FRMD4A: variants seen among roughly 807,000 people sequenced by gnomAD.
FRMD4A encodes the protein FERM domain containing 4A.
FRMD4A carries 29 observed loss-of-function variants against 129.1 expected under a neutral mutation model. The ratio of observed to expected loss-of-function variants is 0.22; its 90% CI spans 0.17 to 0.31. The LOEUF (loss-of-function observed/expected upper bound fraction) is 0.31, where lower values mean the gene tolerates loss of function less well. FRMD4A is among the 10% of genes least tolerant of loss of function. The pLI is 1.00. For missense variants in FRMD4A, 1,272 were observed against 1,375.8 expected, an observed-to-expected ratio of 0.92 and a Z score of 1.19; for synonymous variants, 634 against 571.6, an observed-to-expected ratio of 1.11 and a Z score of -1.56.
intron 2 of FRMD4A, among the ~76,000 whole-genome samples, chr10:14,256,132 T>C (rs868548312): frequency 2.6e-5 from 4 of 152,222 alleles, no homozygotes; most frequent in South Asian, 2.1e-4. Context: ...TATGTTCCTA[T>C]CTACCAGCAA....
Position 13,979,198 on chromosome 10 carries a change from G to GA in FRMD4A, c.46-120287dup, listed in dbSNP as rs199786949. 5.8e-3 allele frequency among the ~76,000 whole-genome samples: 877 copies of GA among 151,984 alleles called. 13 individuals carry two copies. The highest frequency in any genetic ancestry group is 0.019 in the African/African-American group (807 of 41,472). ...CATATGTGTAATCAAAGCCTTATGTGAAAAAAAATACATATTTGTTTTGTT... is the reference window on the plus strand; with the variant it reads ...CATATGTGTAATCAAAGCCTTATGTGAAAAAAAAATACATATTTGTTTTGTT... On this transcript the variant is annotated intron_variant, in intron 2 of 24. Coordinates refer to ENST00000357447, the MANE Select transcript of FRMD4A (RefSeq NM_018027.5).
chr10:14,273,267 T>C (rs898422428), intron 2 of FRMD4A, among the ~76,000 whole-genome samples: 7 of 151,730 alleles, frequency 4.6e-5, no homozygotes, highest in Non-Finnish European at 8.8e-5. Flanking sequence ...AGAAAAAAAA[T>C]ATATATATCT....
At chr10:13,880,897 AT>A (rs904278681) in intron 2 of FRMD4A, among the ~76,000 whole-genome samples, 21 of 151,828 alleles carry the variant, frequency 1.4e-4, no homozygotes, top group Admixed American at 2.0e-4. Flanking sequence ...TTACTTATGG[AT>A]CATGTGGATT....
At chr10:14,263,639 G>A (rs928427907) in intron 2 of FRMD4A, among the ~76,000 whole-genome samples, 1 of 152,168 alleles carries the variant, frequency 6.6e-6, no homozygotes, top group Non-Finnish European at 1.5e-5. Context: ...TAGAGGTGAA[G>A]CCATCAAGGA....
In FRMD4A at chr10:14,127,958, C is replaced by CTTTCTTTT. The variant is rs1564319164; in HGVS notation, c.45+202099_45+202100insAAAAGAAA. ...TCTTTCTTTCTTTCTTTCTTTCTTT[C>CTTTCTTTT]TTTCTTTCTTTCTTTCTTTCCTTCT... On this transcript the variant is annotated intron_variant, in intron 2 of 24. Transcript: ENST00000357447. Among the ~76,000 whole-genome samples the CTTTCTTTT allele has an allele frequency of 6.0e-5, 2 of 33,518 alleles. 1 individual carries two copies. The highest frequency in any genetic ancestry group is 7.0e-4 in the Admixed American group (2 of 2,864). 22.0% of individuals were successfully genotyped at this position (33,518 alleles called of 152,430 possible).
chr10:13,917,871 C>T (rs1015698863), intron 2 of FRMD4A, among the ~76,000 whole-genome samples: 2 of 152,184 alleles, frequency 1.3e-5, no homozygotes, highest in African/African-American at 4.8e-5. Flanking sequence ...AGTTTCTGCT[C>T]CTCAGTTTTG....
intron 2 of FRMD4A, among the ~76,000 whole-genome samples, chr10:13,910,167 G>T (rs967541418): frequency 2.0e-5 from 3 of 152,176 alleles, no homozygotes; most frequent in African/African-American, 4.8e-5. Context: ...GTTTGTCTTG[G>T]CCAATAAAAT....
chr10:13,893,313 A>G (rs1411974959), intron 2 of FRMD4A, among the ~76,000 whole-genome samples: 1 of 152,094 alleles, frequency 6.6e-6, no homozygotes, highest in Non-Finnish European at 1.5e-5. Flanking sequence ...GCCAGGTTCG[A>G]ATGGGATTCT....
At chr10:14,050,840 T>C (rs1834222318) in intron 2 of FRMD4A, among the ~76,000 whole-genome samples, 1 of 152,230 alleles carries the variant, frequency 6.6e-6, no homozygotes, top group Non-Finnish European at 1.5e-5. Context: ...CCGCATGCCC[T>C]GCCCAGTGCA....
intron 3 of FRMD4A, among the ~76,000 whole-genome samples, chr10:13,848,228 A>C (rs996437922): frequency 4.6e-5 from 7 of 152,182 alleles, no homozygotes; most frequent in African/African-American, 1.7e-4. Flanking sequence ...GATTTTGTGA[A>C]GATATCACGG....
intron 2 of FRMD4A, among the ~76,000 whole-genome samples, chr10:14,040,714 C>T (rs1833745709): frequency 6.7e-6 from 1 of 149,982 alleles, no homozygotes; most frequent in African/African-American, 2.4e-5. Context: ...GATGAGTACT[C>T]CTCAGAAACC....
At chr10:13,786,392 G>C (rs974378293) in intron 5 of FRMD4A, among the ~76,000 whole-genome samples, 2 of 152,114 alleles carry the variant, frequency 1.3e-5, no homozygotes, top group Non-Finnish European at 2.9e-5. Context: ...ATCAACTGAG[G>C]TCAGGAGTTC....
At chr10:14,052,993 C>A (rs184047715) in intron 2 of FRMD4A, among the ~76,000 whole-genome samples, 1 of 151,914 alleles carries the variant, frequency 6.6e-6, no homozygotes, top group East Asian at 1.9e-4. Flanking sequence ...CTCACCAGTC[C>A]CCATCTCCAA....
intron 2 of FRMD4A, among the ~76,000 whole-genome samples, chr10:14,033,844 GA>G (rs557809787): frequency 3.0e-4 from 45 of 151,244 alleles, no homozygotes; most frequent in South Asian, 4.2e-4. Context: ...GAAAAGAAAA[GA>G]AAAAAGAAAA....
intron 2 of FRMD4A, 143 bp from the exon 3 acceptor site, chr10:13,859,055 G>A: frequency 1.5e-6 from 1 of 667,160 alleles, no homozygotes. Context: ...GCCAGGAGTT[G>A]GAAGGATCAG....
In FRMD4A at chr10:14,049,492, A is replaced by G. The variant is rs547772055; in HGVS notation, c.46-190580T>C. Among the ~76,000 whole-genome samples the G allele has an allele frequency of 2.3e-4, 35 of 152,370 alleles. No homozygotes were observed. In the South Asian group the frequency reaches 5.4e-3, roughly 23 times the overall value. ...GTTTCAGTGTATTAGGAAAGAGGTC[A>G]GCCCAACTGTGTCCTTCCATAGCTG... On this transcript the variant is annotated intron_variant, in intron 2 of 24. Coordinates refer to ENST00000357447, the MANE Select transcript of FRMD4A (RefSeq NM_018027.5).
At chr10:14,199,628 G>A (rs1329160561) in intron 2 of FRMD4A, among the ~76,000 whole-genome samples, 1 of 152,138 alleles carries the variant, frequency 6.6e-6, no homozygotes, top group East Asian at 1.9e-4. Flanking sequence ...GACCTCAGGT[G>A]ATCCACCTGC....
In FRMD4A at chr10:14,156,160, C is replaced by A. The variant is rs191103018; in HGVS notation, c.45+173898G>T. On this transcript the variant is annotated intron_variant, in intron 2 of 24. Transcript: ENST00000357447. ...TCACAAGACAACGGATCATGACTTG[C>A]GGTATATTCACACAATGTTGTACTC... Among the ~76,000 whole-genome samples, 326 of 152,124 alleles carry A rather than the reference C, an allele frequency of 2.1e-3. 2 individuals carry two copies. The highest frequency in any genetic ancestry group is 7.6e-3 in the African/African-American group (314 of 41,494).
chr10:13,999,543 A>G (rs984748015), intron 2 of FRMD4A, among the ~76,000 whole-genome samples: 2 of 152,182 alleles, frequency 1.3e-5, no homozygotes, highest in Admixed American at 6.5e-5. Flanking sequence ...TTGTGTCTGA[A>G]TGATCCCTCC....
Sources: gnomAD v4.1 joint callset for allele counts (sites outside exome capture counted in the v4.1 genomes callset) on GRCh38, gnomAD v4.1.1 for gene constraint, MANE v1.5 for transcripts, NCBI Gene and HGNC (gene_info 2026-07-23, HGNC 2026-07-21) for gene names.